The following LRRIQ1 variants were observed in gnomAD, a reference collection of about 807,000 sequenced individuals.
LRRIQ1 encodes leucine-rich repeat- and IQ domain-containing protein 1.
LRRIQ1 carries 210 observed loss-of-function variants against 211.9 expected under a neutral mutation model. The observed-to-expected ratio is 0.99, with a 90% CI of 0.89 to 1.11. LRRIQ1 has a LOEUF of 1.11. Among genes scored for constraint, LRRIQ1 ranks in the 50% most tolerant of loss-of-function variants. LRRIQ1 has a pLI of 0.00. For synonymous variants in LRRIQ1, 699 were observed against 650.1 expected (o/e 1.08, Z -1.14); for missense variants, 2,136 against 1,939.5 (o/e 1.10, Z -1.90).
chr12:85,185,452 A>G (rs986254010), intron 24 of LRRIQ1, among the ~76,000 whole-genome samples: 4 of 151,936 alleles, frequency 2.6e-5, no homozygotes, highest in African/African-American at 9.6e-5. Context: ...CCTTAAAATC[A>G]TTCTATTTTA....
chr12:85,100,167 C>T (rs1234066343), intron 13 of LRRIQ1, among the ~76,000 whole-genome samples: 1 of 151,544 alleles, frequency 6.6e-6, no homozygotes, highest in Non-Finnish European at 1.5e-5. Context: ...AAAAGTGGAC[C>T]TCAAGCCACA....
At chr12:85,259,169 T>C (rs1195484582) in intron 1 of LRRIQ1, among the ~76,000 whole-genome samples, 2 of 152,000 alleles carry the variant, frequency 1.3e-5, no homozygotes, top group East Asian at 3.9e-4. Flanking sequence ...AGCAGCAGAT[T>C]GTTGTTAAAC....
At chr12:85,182,240 C>T (rs1892013763) in intron 24 of LRRIQ1, among the ~76,000 whole-genome samples, 1 of 151,996 alleles carries the variant, frequency 6.6e-6, no homozygotes, top group African/African-American at 2.4e-5. Context: ...GTCATCCGAT[C>T]ATCTCTGAGT....
chr12:85,081,805 C>T (rs1019866802), intron 11 of LRRIQ1, among the ~76,000 whole-genome samples: 1 of 146,182 alleles, frequency 6.8e-6, no homozygotes, highest in Non-Finnish European at 1.5e-5. Context: ...CTCATTGCAA[C>T]CTGTGCCTCC....
At chr12:85,231,608 G>T (rs757427793) in intron 25 of LRRIQ1, among the ~76,000 whole-genome samples, 3 of 152,122 alleles carry the variant, frequency 2.0e-5, no homozygotes, top group Non-Finnish European at 4.4e-5. Flanking sequence ...CTTGGTGTCT[G>T]ATGCCAGGTC....
intron 24 of LRRIQ1, among the ~76,000 whole-genome samples, chr12:85,229,145 A>G (rs1894810676): frequency 6.6e-6 from 1 of 152,208 alleles, no homozygotes; most frequent in South Asian, 2.1e-4. Flanking sequence ...AGAGTGGTAT[A>G]AAAACAATTA....
intron 11 of LRRIQ1, among the ~76,000 whole-genome samples, chr12:85,085,941 TTAAC>T (rs1216219844): frequency 1.3e-5 from 2 of 152,220 alleles, no homozygotes; most frequent in African/African-American, 4.8e-5. Context: ...TTACTTTCCT[TTAAC>T]TATATATTTA....
intron 24 of LRRIQ1, among the ~76,000 whole-genome samples, chr12:85,215,447 C>A (rs937953397): frequency 6.6e-6 from 1 of 152,086 alleles, no homozygotes; most frequent in Non-Finnish European, 1.5e-5. Flanking sequence ...ATTTTATCAT[C>A]CAGGTATTAA....
intron 24 of LRRIQ1, among the ~76,000 whole-genome samples, chr12:85,188,973 C>T (rs947917350): frequency 6.6e-6 from 1 of 152,114 alleles, no homozygotes; most frequent in African/African-American, 2.4e-5. Flanking sequence ...CTATCCAATT[C>T]AGCAAACTTC....
At chr12:85,261,054 C>T (rs546096108) in intron 1 of LRRIQ1, among the ~76,000 whole-genome samples, 89 of 152,270 alleles carry the variant, frequency 5.8e-4, no homozygotes, top group African/African-American at 2.1e-3. Context: ...GTTGGCATCT[C>T]TCTCAGTTGT....
At chr12:85,157,675 T>C (rs1428940441) in intron 23 of LRRIQ1, among the ~76,000 whole-genome samples, 2 of 151,786 alleles carry the variant, frequency 1.3e-5, no homozygotes, top group African/African-American at 4.8e-5. Context: ...ACACTGAGTG[T>C]AATTGGTAGC....
At chr12:85,170,117 G>A (rs1214443123) in intron 24 of LRRIQ1, among the ~76,000 whole-genome samples, 2 of 151,904 alleles carry the variant, frequency 1.3e-5, no homozygotes, top group East Asian at 3.9e-4. Flanking sequence ...TCAGGGAATG[G>A]CAATCTAAGG....
intron 15 of LRRIQ1, among the ~76,000 whole-genome samples, chr12:85,108,454 G>T (rs1371386863): frequency 6.6e-6 from 1 of 152,082 alleles, no homozygotes; most frequent in African/African-American, 2.4e-5. Context: ...AACTTTGCCT[G>T]TGGGAACTAA....
At chr12:85,054,760 AT>A (rs1238531095) in intron 7 of LRRIQ1, among the ~76,000 whole-genome samples, 1 of 151,498 alleles carries the variant, frequency 6.6e-6, no homozygotes, top group Non-Finnish European at 1.5e-5. Flanking sequence ...CTGTTTAAAT[AT>A]TTTTTCTAAA....
At chr12:85,052,509 C>T (rs1320081832) in intron 7 of LRRIQ1, among the ~76,000 whole-genome samples, 1 of 151,898 alleles carries the variant, frequency 6.6e-6, no homozygotes, top group East Asian at 1.9e-4. Context: ...ATGAAATGTA[C>T]CATTTTGAAT....
intron 26 of LRRIQ1, among the ~76,000 whole-genome samples, chr12:85,244,277 A>G (rs1895611556): frequency 6.6e-6 from 1 of 151,518 alleles, no homozygotes; most frequent in South Asian, 2.1e-4. Context: ...ATATATTTTT[A>G]TATTGATAAT....
intron 24 of LRRIQ1, among the ~76,000 whole-genome samples, chr12:85,207,138 A>G (rs986764374): frequency 6.6e-6 from 1 of 152,050 alleles, no homozygotes; most frequent in African/African-American, 2.4e-5. Flanking sequence ...CACCTGCTCT[A>G]CTGACCTTAT....
At chr12:85,180,719 G>C (rs1189160115) in intron 24 of LRRIQ1, among the ~76,000 whole-genome samples, 2 of 151,816 alleles carry the variant, frequency 1.3e-5, no homozygotes, top group African/African-American at 4.8e-5. Context: ...ATGCATACAA[G>C]TTCAATGAAT....
chr12:85,074,097 A>T (rs1883380828), intron 11 of LRRIQ1, among the ~76,000 whole-genome samples: 1 of 152,000 alleles, frequency 6.6e-6, no homozygotes, highest in African/African-American at 2.4e-5. Context: ...TGTTAACTGT[A>T]TTCTTTTTAT....
Sources: allele counts gnomAD v4.1 joint callset (sites outside exome capture counted in the v4.1 genomes callset), GRCh38; gene constraint gnomAD v4.1.1; transcripts MANE v1.5; gene names NCBI Gene and HGNC (gene_info 2026-07-23, HGNC 2026-07-21).